Variants in SYN3 observed in about 807,000 individuals in gnomAD.
The protein encoded by SYN3 is synapsin III, also known as synapsin-3.
SYN3 carries 35 observed loss-of-function variants against 65.8 expected under a neutral mutation model. The ratio of observed to expected loss-of-function variants is 0.53; its 90% CI spans 0.41 to 0.70. The LOEUF is 0.70. Ranked by LOEUF, SYN3 falls within the 30% of genes least tolerant of loss-of-function variation. The probability of loss-of-function intolerance (pLI) is 0.00; values close to 1 mark genes in which losing one functional copy is unlikely to be tolerated. For missense variants in SYN3, 680 were observed against 749.0 expected, an observed-to-expected ratio of 0.91 and a Z score of 1.08; for synonymous variants, 270 against 292.9, an observed-to-expected ratio of 0.92 and a Z score of 0.80.
At chr22:33,009,328 T>C (rs1376441414) in intron 1 of SYN3, among the ~76,000 whole-genome samples, 1 of 152,216 alleles carries the variant, frequency 6.6e-6, no homozygotes, top group Non-Finnish European at 1.5e-5. Flanking sequence ...TGTAGCATAG[T>C]ATCTTATTGT....
At chr22:32,577,490 C>T (rs192003700) in intron 7 of SYN3, among the ~76,000 whole-genome samples, 17 of 152,340 alleles carry the variant, frequency 1.1e-4, no homozygotes, top group African/African-American at 4.1e-4. Context: ...TTGTGGTTGT[C>T]TAAGTACAGC....
chr22:32,767,177 T>C (rs1294276193), intron 6 of SYN3, among the ~76,000 whole-genome samples: 1 of 152,188 alleles, frequency 6.6e-6, no homozygotes, highest in African/African-American at 2.4e-5. Context: ...CACAACTCCT[T>C]TTCCTCTGCC....
At chr22:32,529,365 C>T (rs2058033879) in intron 10 of SYN3, among the ~76,000 whole-genome samples, 1 of 152,192 alleles carries the variant, frequency 6.6e-6, no homozygotes, top group Non-Finnish European at 1.5e-5. Flanking sequence ...GGCCACCTCT[C>T]CTTTGGCCCC....
chr22:33,046,160 C>T lies in SYN3; in HGVS notation c.-163+12132G>A, dbSNP rs111585980. The stretch of plus-strand genomic sequence containing the variant: ...TTGAGATAGCACTAAACTATAAAGA[C>T]GGCTAAAATAAAAAATACCAACCAC... On this transcript the variant is annotated intron_variant, in intron 1 of 13. Transcript: ENST00000358763. Among the ~76,000 whole-genome samples the T allele has an allele frequency of 6.1e-4, 93 of 152,188 alleles. No homozygotes were observed. In the Middle Eastern group the frequency reaches 0.014, roughly 22 times the overall value.
intron 6 of SYN3, among the ~76,000 whole-genome samples, chr22:32,622,864 G>C (rs151079982): frequency 2.2e-3 from 340 of 152,170 alleles, no homozygotes; most frequent in African/African-American, 8.1e-3. Context: ...TTCTAGTTTA[G>C]CTTGTGTTTT....
At position 32,832,254 on chromosome 22, in the gene SYN3, G is replaced by A. The variant is rs373564084; in HGVS notation, c.711+32661C>T. ...TTAGAACATAGCAAACAGGAAGCAC[G>A]TGACAACTTGGACCACTACAACGAA... On this transcript the variant is annotated intron_variant, in intron 6 of 13. Transcript: ENST00000358763. 1.0e-3 allele frequency among the ~76,000 whole-genome samples: 157 copies of A among 152,302 alleles called. 1 individual carries two copies. Among genetic ancestry groups the A allele is most frequent in the Non-Finnish European group, 1.5e-3 (105 of 68,018 alleles).
At chr22:32,874,425 G>A (rs887563750) in intron 4 of SYN3, among the ~76,000 whole-genome samples, 2 of 152,192 alleles carry the variant, frequency 1.3e-5, no homozygotes, top group South Asian at 2.1e-4. Context: ...AATAATTAAC[G>A]GTAAAGATGG....
rs116333674 is a variant in SYN3, at chr22:32,637,341, G to A, written c.712-40605C>T. Among the ~76,000 whole-genome samples, 1,067 of 152,330 alleles carry A rather than the reference G, an allele frequency of 7.0e-3. 10 individuals carry two copies. The highest frequency in any genetic ancestry group is 0.025 in the African/African-American group (1,035 of 41,582). On this transcript the variant is annotated intron_variant, in intron 6 of 13. Coordinates refer to ENST00000358763, the MANE Select transcript of SYN3 (RefSeq NM_003490.4). ...ATGACGGTCCCACCATCATAGGGAT[G>A]TTGTGAGGATGGAACAGAGTTATTA...
chr22:32,535,796 G>A (rs370339590), intron 9 of SYN3, among the ~76,000 whole-genome samples: 29 of 150,670 alleles, frequency 1.9e-4, no homozygotes, highest in African/African-American at 6.9e-4. Flanking sequence ...GGGGGGCCCT[G>A]CTCCCCTCCT....
At chr22:32,975,879 C>G (rs2052169471) in intron 3 of SYN3, among the ~76,000 whole-genome samples, 1 of 152,176 alleles carries the variant, frequency 6.6e-6, no homozygotes, top group African/African-American at 2.4e-5. Context: ...ACCAAACCAC[C>G]AAACTGAATT....
chr22:33,016,665 A>T (rs2053472782), intron 1 of SYN3, among the ~76,000 whole-genome samples: 1 of 151,918 alleles, frequency 6.6e-6, no homozygotes, highest in Non-Finnish European at 1.5e-5. Context: ...AATAATGAGC[A>T]TTTTTTTCAT....
chr22:32,675,432 A>AT (rs2060426481), intron 6 of SYN3, among the ~76,000 whole-genome samples: 1 of 152,112 alleles, frequency 6.6e-6, no homozygotes, highest in Non-Finnish European at 1.5e-5. Flanking sequence ...ACCTAGGGCT[A>AT]TTGTTCAGCT....
intron 7 of SYN3, among the ~76,000 whole-genome samples, chr22:32,594,088 T>G (rs2059163804): frequency 6.8e-6 from 1 of 147,320 alleles, no homozygotes; most frequent in Non-Finnish European, 1.5e-5. Context: ...ACAGCTTTAG[T>G]GGAGTGGAGG....
In SYN3 at chr22:32,837,563, G is replaced by A. The variant is rs1413572403; in HGVS notation, c.711+27352C>T. On this transcript the variant is annotated intron_variant, in intron 6 of 13. Transcript: ENST00000358763. This position sits in a 1 kb window ranked among gnomAD's most constrained non-coding sequence, Gnocchi z 4.1. ...AGACAGAGATGCATGAAATACTAAC[G>A]TTGAAGATTAGAAATGGGATGTGCA... Among the ~76,000 whole-genome samples, 1 of 152,102 alleles carries A rather than the reference G, an allele frequency of 6.6e-6. No homozygotes were observed. Among genetic ancestry groups the A allele is most frequent in the East Asian group, 1.9e-4 (1 of 5,180 alleles).
chr22:32,874,528 A>T (rs1017617760), intron 4 of SYN3, among the ~76,000 whole-genome samples: 4 of 152,180 alleles, frequency 2.6e-5, no homozygotes, highest in African/African-American at 9.7e-5. Context: ...ACCATTGGAG[A>T]AGTGTAATAA....
At chr22:32,657,029 G>C (rs1038528508) in intron 6 of SYN3, among the ~76,000 whole-genome samples, 1 of 152,166 alleles carries the variant, frequency 6.6e-6, no homozygotes, top group African/African-American at 2.4e-5. Context: ...TCTGGGAAGA[G>C]ATCCCCTCCC....
intron 4 of SYN3, among the ~76,000 whole-genome samples, chr22:32,908,091 CTT>C (rs996819198): frequency 2.1e-5 from 3 of 146,112 alleles, no homozygotes. Flanking sequence ...TACCTTTTTT[CTT>C]TTTTTTTTTT....
chr22:32,892,425 G>A (rs551056914), intron 4 of SYN3, among the ~76,000 whole-genome samples: 19 of 152,332 alleles, frequency 1.2e-4, no homozygotes, highest in South Asian at 8.3e-4. Flanking sequence ...TGGGATAGAC[G>A]TGATCCTTGG....
chr22:32,974,938 T>C (rs1347083097), intron 3 of SYN3, among the ~76,000 whole-genome samples: 1 of 152,248 alleles, frequency 6.6e-6, no homozygotes, highest in Non-Finnish European at 1.5e-5. Flanking sequence ...AGCTAAAATA[T>C]GACTGAGCTG....
Sources: allele counts gnomAD v4.1 joint callset (sites outside exome capture counted in the v4.1 genomes callset), GRCh38; gene constraint gnomAD v4.1.1; non-coding constraint Gnocchi (gnomAD v3.1); transcripts MANE v1.5; gene names NCBI Gene and HGNC (gene_info 2026-07-23, HGNC 2026-07-21).